ARID1A: variants seen among roughly 807,000 people sequenced by gnomAD.
ARID1A encodes the protein AT-rich interaction domain 1A, also known as AT-rich interactive domain-containing protein 1A.
ARID1A carries 20 observed loss-of-function variants against 212.6 expected under a neutral mutation model. That is an observed-to-expected ratio of 0.09 (90% CI 0.07 to 0.14). The LOEUF (loss-of-function observed/expected upper bound fraction) is 0.14, where lower values mean the gene tolerates loss of function less well. Ranked by LOEUF, ARID1A falls within the 10% of genes least tolerant of loss-of-function variation. ARID1A has a pLI of 1.00. For missense variants in ARID1A, 2,587 were observed against 3,059.0 expected (o/e 0.85, Z 3.64); for synonymous variants, 1,376 against 1,222.1 (o/e 1.13, Z -2.63).
At chr1:26,732,621 G>A (rs2080691133) in intron 3 of ARID1A, 55 bp from the exon 4 acceptor site, 1 of 1,400,928 alleles carries the variant, frequency 7.1e-7, no homozygotes, top group Non-Finnish European at 1.0e-6. Flanking sequence ...AGTGAAGTAA[G>A]CCTGCCTGGT....
chr1:26,757,038 G>A (rs1482884396), intron 4 of ARID1A, among the ~76,000 whole-genome samples: 1 of 151,944 alleles, frequency 6.6e-6, no homozygotes, highest in African/African-American at 2.4e-5. Flanking sequence ...GAATGTTTAT[G>A]TTTTACTTGT....
intron 4 of ARID1A, among the ~76,000 whole-genome samples, chr1:26,739,650 A>C (rs1193308663): frequency 1.3e-5 from 2 of 152,132 alleles, no homozygotes; most frequent in Non-Finnish European, 2.9e-5. Context: ...AAGAAACTAG[A>C]CTTCCTGTAG....
Position 26,746,255 on chromosome 1 carries a change from T to C in ARID1A, c.1920+13463T>C, listed in dbSNP as rs1018578418. The stretch of plus-strand genomic sequence containing the variant: ...GCATTTACTCTGAAAGGAAGAATTC[T>C]CAAAAACTAGAATGTCCTGATATTC... On this transcript the variant is annotated intron_variant, in intron 4 of 19. Coordinates refer to ENST00000324856, the MANE Select transcript of ARID1A (RefSeq NM_006015.6). Among the ~76,000 whole-genome samples, 3 of 152,210 alleles carry C rather than the reference T, an allele frequency of 2.0e-5. No individual in the cohort carries two copies. In the East Asian group the frequency reaches 5.8e-4, roughly 29 times the overall value.
chr1:26,719,050 A>G (rs1271689095), intron 1 of ARID1A, among the ~76,000 whole-genome samples: 1 of 152,186 alleles, frequency 6.6e-6, no homozygotes, highest in Non-Finnish European at 1.5e-5. Flanking sequence ...ACTCCTGTAG[A>G]TCCAAAGCAT....
intron 1 of ARID1A, among the ~76,000 whole-genome samples, chr1:26,711,414 C>T (rs1325265057): frequency 6.6e-6 from 1 of 152,088 alleles, no homozygotes; most frequent in African/African-American, 2.4e-5. Context: ...TGAGCCAGCG[C>T]CCCCGGCTCT....
intron 4 of ARID1A, among the ~76,000 whole-genome samples, chr1:26,747,050 AAAC>A (rs1295043116): frequency 1.3e-5 from 2 of 152,090 alleles, no homozygotes; most frequent in African/African-American, 2.4e-5. Flanking sequence ...CAAAAAAACA[AAAC>A]AAACAAACAA....
chr1:26,714,012 C>G (rs1210690279), intron 1 of ARID1A, among the ~76,000 whole-genome samples: 3 of 152,190 alleles, frequency 2.0e-5, no homozygotes, highest in Non-Finnish European at 4.4e-5. Context: ...CCCAGCCAAA[C>G]ACATTTACCA....
chr1:26,741,479 C>T (rs764883043), intron 4 of ARID1A, among the ~76,000 whole-genome samples: 1 of 152,028 alleles, frequency 6.6e-6, no homozygotes, highest in Admixed American at 6.6e-5. Flanking sequence ...CCCAAAGACC[C>T]GCATGTGTAT....
Position 26,696,798 on chromosome 1 carries a change from T to G in ARID1A, c.395T>G (p.Val132Gly), listed in dbSNP as rs1212915399. Residue 132 changes from valine (V) to glycine (G), a missense_variant, in exon 1 of 20, where the codon GTG (valine) becomes GGG (glycine). Val to Gly is a moderately radical substitution (Grantham distance 109). Coordinates refer to ENST00000324856, the MANE Select transcript of ARID1A (RefSeq NM_006015.6). ...GGCGGTGGCGGCAGCAGCGATGGGGTGGGGGCGCCTCCTCACTCAGCCGCG... is the reference window on the plus strand; with the variant it reads ...GGCGGTGGCGGCAGCAGCGATGGGGGGGGGGCGCCTCCTCACTCAGCCGCG... ...GGGGGGSSDG[V>G]GAPPHSAAAA... The G allele has an allele frequency of 1.5e-6, 2 of 1,334,040 alleles. No individual in the cohort carries two copies. The highest frequency in any genetic ancestry group is 1.9e-6 in the Non-Finnish European group (2 of 1,047,318). The allele number at this position is 1,334,040 out of a possible 1,614,324, so 82.6% of individuals were successfully genotyped here.
At chr1:26,723,729 C>T (rs975854241) in intron 1 of ARID1A, among the ~76,000 whole-genome samples, 4 of 152,096 alleles carry the variant, frequency 2.6e-5, no homozygotes, top group African/African-American at 9.7e-5. Context: ...TCCCAGCTTA[C>T]TGTACTGGGA....
Position 26,771,105 on chromosome 1 carries a change from G to T in ARID1A, c.3199-14G>T, listed in dbSNP as rs1570612161. 3 of 1,614,034 alleles carry T rather than the reference G, an allele frequency of 1.9e-6. No homozygotes were observed. The highest frequency in any genetic ancestry group is 2.5e-6 in the Non-Finnish European group (3 of 1,179,922). On this transcript the variant is annotated splice_polypyrimidine_tract_variant and intron_variant, in intron 11 of 19. Transcript: ENST00000324856. This position sits in a 1 kb window ranked among gnomAD's most constrained non-coding sequence, Gnocchi z 5.4. ...CGGGAGATATACCTCGACTCCTTTG[G>T]TTTGGTTATACAGGTCAACAAGAAC...
chr1:26,702,035 T>G (rs1289598043), intron 1 of ARID1A, among the ~76,000 whole-genome samples: 3 of 152,190 alleles, frequency 2.0e-5, no homozygotes, highest in Non-Finnish European at 4.4e-5. Context: ...AGTGTTGATA[T>G]TCTGCTGCTT....
Position 26,705,445 on chromosome 1 carries a change from T to C in ARID1A, c.1137+7905T>C, listed in dbSNP as rs901545106. 1.5e-4 allele frequency among the ~76,000 whole-genome samples: 23 copies of C among 149,480 alleles called. 1 individual carries two copies. Among genetic ancestry groups the C allele is most frequent in the African/African-American group, 4.2e-4 (17 of 40,828 alleles). ...GTGAGCCACCACGCCCAGCCTTTTT[T>C]TTTTTTCCCCCCCCCTCAAGTAATG... On this transcript the variant is annotated intron_variant, in intron 1 of 19. Transcript: ENST00000324856.
intron 4 of ARID1A, among the ~76,000 whole-genome samples, chr1:26,750,414 T>C (rs1401375913): frequency 6.6e-6 from 1 of 152,200 alleles, no homozygotes; most frequent in Non-Finnish European, 1.5e-5. Flanking sequence ...GAGAGCTCAG[T>C]TGCCCTATTG....
At chr1:26,755,303 G>A (rs2080919190) in intron 4 of ARID1A, among the ~76,000 whole-genome samples, 1 of 152,316 alleles carries the variant, frequency 6.6e-6, no homozygotes, top group South Asian at 2.1e-4. Flanking sequence ...ACTATCTGAT[G>A]CTGACCAGTT....
chr1:26,715,978 G>A (rs2080498745), intron 1 of ARID1A, among the ~76,000 whole-genome samples: 1 of 152,046 alleles, frequency 6.6e-6, no homozygotes, highest in Non-Finnish European at 1.5e-5. Context: ...AGACTGAGGT[G>A]GGCGGATCAT....
intron 4 of ARID1A, among the ~76,000 whole-genome samples, chr1:26,754,497 G>A (rs547975140): frequency 6.6e-6 from 1 of 152,126 alleles, no homozygotes; most frequent in Non-Finnish European, 1.5e-5. Flanking sequence ...ATGGTGCTAG[G>A]GGGGATTCAT....
In ARID1A at chr1:26,766,311, C is replaced by T. The variant is rs2124080005; in HGVS notation, c.2823C>T (p.Ile941=). 3.7e-6 allele frequency: 6 copies of T among 1,614,202 alleles called. No homozygotes were observed. Among genetic ancestry groups the T allele is most frequent in the South Asian group, 1.1e-5 (1 of 91,088 alleles). ...GGATTAATAGTATGGCTGGCATGAT[C>T]AACCCTCAGGGACCCCCATATTCCA... is the stretch of plus-strand genomic sequence containing the variant. ...GQGINSMAGM[I]NPQGPPYSMG... Residue 941 remains isoleucine, a synonymous_variant, in exon 9 of 20, where the codon ATC becomes ATT. Coordinates refer to ENST00000324856, the MANE Select transcript of ARID1A (RefSeq NM_006015.6).
In ARID1A at chr1:26,729,671, G is replaced by A. The variant is rs2124784823; in HGVS notation, c.1158G>A (p.Gln386=). 2 of 1,614,264 alleles carry A rather than the reference G, an allele frequency of 1.2e-6. No homozygotes were observed. Among genetic ancestry groups the A allele is most frequent in the Non-Finnish European group, 1.7e-6 (2 of 1,180,044 alleles). ...TGTAGCCATCCAGTCCAATGGATCAGATGGGCAAGATGAGACCTCAGCCAT... is the reference window on the plus strand; with the variant it reads ...TGTAGCCATCCAGTCCAATGGATCAAATGGGCAAGATGAGACCTCAGCCAT... ...RTPQPSSPMD[Q]MGKMRPQPYG... The change falls in exon 2 of 20, where the codon CAG becomes CAA. Residue 386 remains glutamine, a synonymous_variant. Coordinates refer to ENST00000324856, the MANE Select transcript of ARID1A (RefSeq NM_006015.6).
Sources: gnomAD v4.1 joint callset for allele counts (sites outside exome capture counted in the v4.1 genomes callset) on GRCh38, gnomAD v4.1.1 for gene constraint, Gnocchi (gnomAD v3.1) non-coding constraint, MANE v1.5 for transcripts, NCBI Gene and HGNC (gene_info 2026-07-23, HGNC 2026-07-21) for gene names.